CNBD1: variants seen among roughly 807,000 people sequenced by gnomAD.
The protein encoded by CNBD1 is cyclic nucleotide binding domain containing 1.
CNBD1 carries 71 observed loss-of-function variants against 54.4 expected under a neutral mutation model. The observed-to-expected ratio is 1.30, with a 90% confidence interval of 1.08 to 1.59. CNBD1 has a LOEUF of 1.59. Among genes scored for constraint, CNBD1 ranks in the 40% most tolerant of loss-of-function variants. The probability of loss-of-function intolerance (pLI) is 0.00; values close to 1 mark genes in which losing one functional copy is unlikely to be tolerated. For missense variants in CNBD1, 659 were observed against 518.0 expected (o/e 1.27, Z -2.64); for synonymous variants, 182 against 170.7 (o/e 1.07, Z -0.51).
At chr8:87,037,240 A>T (rs964418509) in intron 4 of CNBD1, among the ~76,000 whole-genome samples, 25 of 152,098 alleles carry the variant, frequency 1.6e-4, no homozygotes, top group African/African-American at 4.8e-4. Context: ...CCTATTTTTT[A>T]AAAAACGGTA....
rs888696508 is a variant in CNBD1, at chr8:87,171,870, C to T, written c.432-34123C>T. ...GCCAGGCTGATCTTGAACTCCTGAC[C>T]TCGTGATCCACCTGTTTTGGCCTCC... On this transcript the variant is annotated intron_variant, in intron 4 of 10. Coordinates refer to ENST00000518476, the MANE Select transcript of CNBD1 (RefSeq NM_173538.3). Among the ~76,000 whole-genome samples, 8 of 152,148 alleles carry T rather than the reference C, an allele frequency of 5.3e-5. No homozygotes were observed. The East Asian group carries it at 1.6e-3, about 30-fold the overall frequency.
At chr8:87,381,562 A>T (rs1439528994) in intron 10 of CNBD1, among the ~76,000 whole-genome samples, 1 of 152,044 alleles carries the variant, frequency 6.6e-6, no homozygotes, top group Non-Finnish European at 1.5e-5. Context: ...TCTCAAAGAG[A>T]TATTAGCAGT....
Position 86,937,774 on chromosome 8 carries a change from C to T in CNBD1, c.273-1822C>T, listed in dbSNP as rs549170841. Reference sequence around the variant, plus strand: ...GCCCTGTGGCTTGTGATGGTGGGGGCTGCCATGAAGATCTCTGACATGGCC... The same window carrying T: ...GCCCTGTGGCTTGTGATGGTGGGGGTTGCCATGAAGATCTCTGACATGGCC... On this transcript the variant is annotated intron_variant, in intron 3 of 10. Coordinates refer to ENST00000518476, the MANE Select transcript of CNBD1 (RefSeq NM_173538.3). Among the ~76,000 whole-genome samples, 14 of 152,014 alleles carry T rather than the reference C, an allele frequency of 9.2e-5. No individual in the cohort carries two copies. In the East Asian group the frequency reaches 2.7e-3, roughly 30 times the overall value.
intron 4 of CNBD1, among the ~76,000 whole-genome samples, chr8:87,139,599 G>A (rs1211531866): frequency 2.0e-5 from 3 of 152,284 alleles, no homozygotes; most frequent in South Asian, 4.1e-4. Flanking sequence ...CTAGAGTGGT[G>A]TCAGGGAGCA....
chr8:87,377,881 ATTTGC>A (rs1810984735), intron 10 of CNBD1, among the ~76,000 whole-genome samples: 1 of 151,214 alleles, frequency 6.6e-6, no homozygotes, highest in Non-Finnish European at 1.5e-5. Flanking sequence ...TGTGGTTTCG[ATTTGC>A]ATTTCTCTGA....
At chr8:87,214,877 C>A (rs1038142300) in intron 5 of CNBD1, among the ~76,000 whole-genome samples, 1 of 152,114 alleles carries the variant, frequency 6.6e-6, no homozygotes, top group Non-Finnish European at 1.5e-5. Flanking sequence ...TATCTCCCAC[C>A]TGGTCCCTCC....
rs143637947 is a variant in CNBD1, at chr8:86,914,350, C to T, written c.272+9156C>T. The stretch of plus-strand genomic sequence containing the variant: ...CCTCCGTTCAGGGTCCCTGACTTCC[C>T]GCAACACATTGTGTTGCAATTGCTT... On this transcript the variant is annotated intron_variant, in intron 3 of 10. Transcript: ENST00000518476. 2.3e-3 allele frequency among the ~76,000 whole-genome samples: 355 copies of T among 152,280 alleles called. 3 individuals carry two copies. Among genetic ancestry groups the T allele is most frequent in the African/African-American group, 8.3e-3 (343 of 41,536 alleles).
In CNBD1 at chr8:86,883,240, C is replaced by T. The variant is rs1453345712; in HGVS notation, c.89-4302C>T. Among the ~76,000 whole-genome samples the T allele has an allele frequency of 2.6e-5, 4 of 151,776 alleles. No homozygotes were observed. In the South Asian group the frequency reaches 6.3e-4, roughly 24 times the overall value. On this transcript the variant is annotated intron_variant, in intron 1 of 10. Transcript: ENST00000518476. ...TATAATTGGTAGGGATTTTCTTAATCCAGACAAAATTCAGGAGAGGATCAT... is the reference window on the plus strand; with the variant it reads ...TATAATTGGTAGGGATTTTCTTAATTCAGACAAAATTCAGGAGAGGATCAT...
At chr8:86,937,534 T>C (rs1478980261) in intron 3 of CNBD1, among the ~76,000 whole-genome samples, 2 of 152,176 alleles carry the variant, frequency 1.3e-5, no homozygotes. Context: ...CCTATGAGAC[T>C]CTGAAATCTA....
At chr8:87,355,874 G>T (rs769501218) in intron 10 of CNBD1, among the ~76,000 whole-genome samples, 1 of 152,116 alleles carries the variant, frequency 6.6e-6, no homozygotes, top group Non-Finnish European at 1.5e-5. Flanking sequence ...GGAGGTTTTT[G>T]GGTCAAGGAG....
At chr8:86,966,546 C>A (rs557105824) in intron 4 of CNBD1, among the ~76,000 whole-genome samples, 63 of 152,256 alleles carry the variant, frequency 4.1e-4, no homozygotes, top group Non-Finnish European at 7.6e-4. Flanking sequence ...AGTGTTACAG[C>A]TCTTAAAGGT....
At chr8:86,957,992 C>T (rs1807824319) in intron 4 of CNBD1, among the ~76,000 whole-genome samples, 1 of 152,186 alleles carries the variant, frequency 6.6e-6, no homozygotes, top group African/African-American at 2.4e-5. Context: ...CCTCTACACA[C>T]TGCTTTAAAT....
At chr8:87,261,457 C>T (rs1808138500) in intron 6 of CNBD1, among the ~76,000 whole-genome samples, 2 of 149,422 alleles carry the variant, frequency 1.3e-5, no homozygotes, top group Admixed American at 6.8e-5. Context: ...ATGAATCAAG[C>T]AGCCCCAGAA....
intron 4 of CNBD1, among the ~76,000 whole-genome samples, chr8:87,109,445 C>T (rs1021808701): frequency 1.3e-5 from 2 of 151,846 alleles, no homozygotes; most frequent in Non-Finnish European, 2.9e-5. Flanking sequence ...CATAATTCAA[C>T]TCATCTAACT....
intron 1 of CNBD1, among the ~76,000 whole-genome samples, chr8:86,878,080 C>CTGTGTGTGTGTGTGTGTGTG (rs145093111): frequency 2.2e-5 from 3 of 135,874 alleles, no homozygotes; most frequent in African/African-American, 8.2e-5. Flanking sequence ...TTCATCAAAG[C>CTGTGTGTGTGTGTGTGTGTG]TGTGTGTGTG....
At chr8:87,340,580 T>A (rs535253056) in intron 8 of CNBD1, among the ~76,000 whole-genome samples, 1 of 152,272 alleles carries the variant, frequency 6.6e-6, no homozygotes, top group Non-Finnish European at 1.5e-5. Context: ...TAATTTTTCT[T>A]CACTCTTTTA....
intron 10 of CNBD1, among the ~76,000 whole-genome samples, chr8:87,377,450 A>G (rs890524705): frequency 9.9e-5 from 15 of 151,776 alleles, no homozygotes; most frequent in South Asian, 2.1e-4. Context: ...ATGATTTCCA[A>G]TTTCATCCAT....
At position 87,295,962 on chromosome 8, in the gene CNBD1, C is replaced by T. The variant is rs116664076; in HGVS notation, c.1042+9291C>T. ...TTCCAAAGTAGAACTTTTAAAAATG[C>T]GAACTCTTATGTTTCGCTATGAATA... On this transcript the variant is annotated intron_variant, in intron 8 of 10. Coordinates refer to ENST00000518476, the MANE Select transcript of CNBD1 (RefSeq NM_173538.3). Among the ~76,000 whole-genome samples, 983 of 151,992 alleles carry T rather than the reference C, an allele frequency of 6.5e-3. 10 individuals carry two copies. Among genetic ancestry groups the T allele is most frequent in the African/African-American group, 0.022 (932 of 41,482 alleles).
intron 4 of CNBD1, among the ~76,000 whole-genome samples, chr8:87,141,182 AT>A (rs1309047227): frequency 6.6e-6 from 1 of 152,160 alleles, no homozygotes; most frequent in African/African-American, 2.4e-5. Flanking sequence ...TCTAATTTTC[AT>A]TTAGCTATAT....
Sources: allele counts gnomAD v4.1 joint callset (sites outside exome capture counted in the v4.1 genomes callset), GRCh38; gene constraint gnomAD v4.1.1; transcripts MANE v1.5; gene names NCBI Gene and HGNC (gene_info 2026-07-23, HGNC 2026-07-21).